ARSJ: variants seen among roughly 807,000 people sequenced by gnomAD.
ARSJ encodes arylsulfatase family member J.
ARSJ carries 26 observed loss-of-function variants against 35.9 expected under a neutral mutation model. The ratio of observed to expected loss-of-function variants is 0.72; its 90% CI spans 0.53 to 1.00. The LOEUF (loss-of-function observed/expected upper bound fraction) is 1.00, where lower values mean the gene tolerates loss of function less well. ARSJ is among the 50% of genes least tolerant of loss of function. The pLI is 0.00. For synonymous variants in ARSJ, 294 were observed against 267.6 expected (o/e 1.10, Z -0.96); for missense variants, 667 against 723.6 (o/e 0.92, Z 0.90).
At chr4:113,958,618 C>T (rs1726343661) in intron 1 of ARSJ, among the ~76,000 whole-genome samples, 1 of 151,948 alleles carries the variant, frequency 6.6e-6, no homozygotes, top group South Asian at 2.1e-4. Context: ...CATGTTTTGA[C>T]TTTAGCCGAT....
intron 1 of ARSJ, among the ~76,000 whole-genome samples, chr4:113,909,845 A>G (rs1298990686): frequency 6.6e-6 from 1 of 152,206 alleles, no homozygotes; most frequent in East Asian, 1.9e-4. Context: ...TCAATGTGTC[A>G]GTAAAGCGTC....
intron 1 of ARSJ, among the ~76,000 whole-genome samples, chr4:113,975,829 A>G (rs1013615981): frequency 1.3e-5 from 2 of 152,198 alleles, no homozygotes; most frequent in African/African-American, 4.8e-5. Context: ...ATAACCTGAC[A>G]TGCTCATTAA....
At chr4:113,911,421 G>A (rs1039744773) in intron 1 of ARSJ, among the ~76,000 whole-genome samples, 1 of 152,168 alleles carries the variant, frequency 6.6e-6, no homozygotes, top group African/African-American at 2.4e-5. Context: ...GTTGTAGTGT[G>A]AAGAATGGAT....
chr4:113,961,895 CTCTG>C (rs1454335756), intron 1 of ARSJ, among the ~76,000 whole-genome samples: 1 of 122,030 alleles, frequency 8.2e-6, no homozygotes, highest in Admixed American at 8.5e-5. Context: ...CTCTCTCTCT[CTCTG>C]TGTGTGTGTG....
intron 1 of ARSJ, among the ~76,000 whole-genome samples, chr4:113,928,816 T>A (rs1284685479): frequency 6.6e-6 from 1 of 152,160 alleles, no homozygotes; most frequent in African/African-American, 2.4e-5. Context: ...AAGGCATTGG[T>A]CAAGGGTATG....
intron 1 of ARSJ, among the ~76,000 whole-genome samples, chr4:113,923,191 ATTTC>A (rs1723792910): frequency 6.6e-6 from 1 of 152,122 alleles, no homozygotes; most frequent in Non-Finnish European, 1.5e-5. Flanking sequence ...CTTAAAATAA[ATTTC>A]TTTCTTTCTG....
At chr4:113,916,271 T>C (rs1406860254) in intron 1 of ARSJ, among the ~76,000 whole-genome samples, 2 of 152,098 alleles carry the variant, frequency 1.3e-5, no homozygotes, top group Non-Finnish European at 2.9e-5. Flanking sequence ...ACCCACAATA[T>C]CAGAAATCAG....
At chr4:113,941,812 G>T (rs1179930619) in intron 1 of ARSJ, among the ~76,000 whole-genome samples, 3 of 151,956 alleles carry the variant, frequency 2.0e-5, no homozygotes, top group Non-Finnish European at 4.4e-5. Flanking sequence ...AAACAAGAAT[G>T]ATTAAAAATC....
intron 1 of ARSJ, among the ~76,000 whole-genome samples, chr4:113,971,304 T>C (rs569090705): frequency 1.4e-4 from 22 of 152,352 alleles, no homozygotes; most frequent in African/African-American, 5.3e-4. Flanking sequence ...ATCTTTGATT[T>C]CTAAGAGTTG....
intron 1 of ARSJ, among the ~76,000 whole-genome samples, chr4:113,942,232 T>G (rs1562359304): frequency 6.6e-6 from 1 of 151,884 alleles, no homozygotes; most frequent in Non-Finnish European, 1.5e-5. Flanking sequence ...GCATCTAAAT[T>G]TATGTTTCCA....
chr4:113,974,985 T>C (rs752038620), intron 1 of ARSJ, among the ~76,000 whole-genome samples: 15 of 152,156 alleles, frequency 9.9e-5, no homozygotes, highest in Non-Finnish European at 1.9e-4. Flanking sequence ...TACTATTCAA[T>C]GATAGTGAGT....
intron 1 of ARSJ, among the ~76,000 whole-genome samples, chr4:113,950,084 T>C (rs1424661685): frequency 6.6e-6 from 1 of 152,064 alleles, no homozygotes; most frequent in Non-Finnish European, 1.5e-5. Flanking sequence ...GTAAGCTATA[T>C]GGTTCTCGGG....
intron 1 of ARSJ, among the ~76,000 whole-genome samples, chr4:113,948,619 A>G (rs978613699): frequency 2.0e-5 from 3 of 152,030 alleles, no homozygotes; most frequent in Admixed American, 6.6e-5. Context: ...ATTGGTCTTG[A>G]GTCATTTATT....
chr4:113,907,992 G>A (rs2099669276), intron 1 of ARSJ, among the ~76,000 whole-genome samples: 1 of 152,126 alleles, frequency 6.6e-6, no homozygotes, highest in South Asian at 2.1e-4. Context: ...CGGGTAGTAT[G>A]CTCACTACCT....
At chr4:113,905,662 T>C (rs1425729807) in intron 1 of ARSJ, among the ~76,000 whole-genome samples, 1 of 106,394 alleles carries the variant, frequency 9.4e-6, no homozygotes, top group African/African-American at 3.5e-5. Context: ...TCTTGATAAT[T>C]TTTTTTTTTT....
At chr4:113,906,340 T>C (rs886961557) in intron 1 of ARSJ, among the ~76,000 whole-genome samples, 1 of 152,136 alleles carries the variant, frequency 6.6e-6, no homozygotes, top group African/African-American at 2.4e-5. Context: ...ATGAAAAACA[T>C]AAAATACAGG....
intron 1 of ARSJ, among the ~76,000 whole-genome samples, chr4:113,933,897 T>G (rs532672951): frequency 6.6e-6 from 1 of 151,736 alleles, no homozygotes; most frequent in South Asian, 2.1e-4. Context: ...CCAGAGCAAT[T>G]AGGCAAGAGA....
intron 1 of ARSJ, among the ~76,000 whole-genome samples, chr4:113,905,417 A>G (rs2099668405): frequency 6.6e-6 from 1 of 152,148 alleles, no homozygotes. Flanking sequence ...TGATGAAACT[A>G]TGAGCTTTTT....
At chr4:113,962,389 A>G (rs1297940219) in intron 1 of ARSJ, among the ~76,000 whole-genome samples, 1 of 152,104 alleles carries the variant, frequency 6.6e-6, no homozygotes, top group Non-Finnish European at 1.5e-5. Flanking sequence ...AGGGAGAAAC[A>G]AAGACTATTA....
Sources: allele counts gnomAD v4.1 joint callset (sites outside exome capture counted in the v4.1 genomes callset), GRCh38; gene constraint gnomAD v4.1.1; transcripts MANE v1.5; gene names NCBI Gene and HGNC (gene_info 2026-07-23, HGNC 2026-07-21).